The following MKLN1 variants were observed in gnomAD, a reference collection of about 807,000 sequenced individuals.
The protein encoded by MKLN1 is muskelin.
In MKLN1, 18 loss-of-function variants were observed where a neutral mutation model predicts 99.0. The observed-to-expected ratio is 0.18, with a 90% CI of 0.13 to 0.27. MKLN1 has a LOEUF of 0.27. Ranked by LOEUF, MKLN1 falls within the 10% of genes least tolerant of loss-of-function variation. MKLN1 has a pLI of 1.00. For missense variants in MKLN1, 621 were observed against 875.9 expected, an observed-to-expected ratio of 0.71 and a Z score of 3.67; for synonymous variants, 288 against 293.2, an observed-to-expected ratio of 0.98 and a Z score of 0.18.
In MKLN1 at chr7:131,143,917, T is replaced by C. The variant is rs112299008; in HGVS notation, c.-297+976T>C. Among the ~76,000 whole-genome samples the C allele has an allele frequency of 3.7e-3, 571 of 152,342 alleles. 4 individuals are homozygous for C. Among genetic ancestry groups the C allele is most frequent in the African/African-American group, 0.013 (543 of 41,584 alleles). ...GGCCAGTTTAATAATGCAGGACATG[T>C]GTAGTTCAACCATACTCCAAAAACA... On this transcript the variant is annotated intron_variant, in intron 2 of 7. Transcript: ENST00000416992.
At chr7:131,192,646 A>G (rs1180964033) in intron 2 of MKLN1, among the ~76,000 whole-genome samples, 1 of 151,356 alleles carries the variant, frequency 6.6e-6, no homozygotes, top group Non-Finnish European at 1.5e-5. Context: ...GTTTCAAACA[A>G]TTCTCCTGCC....
intron 6 of MKLN1, among the ~76,000 whole-genome samples, chr7:131,408,006 T>C (rs561077297): frequency 2.2e-4 from 33 of 152,290 alleles, no homozygotes; most frequent in African/African-American, 7.9e-4. Context: ...AGCTTGACAA[T>C]GTGCCGTTTA....
intron 3 of MKLN1, among the ~76,000 whole-genome samples, chr7:131,307,623 T>C (rs73153468): frequency 0.027 from 4,096 of 152,310 alleles, 82 homozygotes; most frequent in Middle Eastern, 0.041. Flanking sequence ...AGCTTGAAGA[T>C]TTAATGACTG....
intron 3 of MKLN1, among the ~76,000 whole-genome samples, chr7:131,208,834 CACTT>C (rs1212606485): frequency 3.3e-5 from 5 of 152,192 alleles, no homozygotes; most frequent in Admixed American, 6.5e-5. Flanking sequence ...AATGAGGAAA[CACTT>C]ACTTTTCATT....
At chr7:131,455,462 C>G (rs966851575) in intron 12 of MKLN1, among the ~76,000 whole-genome samples, 33 of 152,118 alleles carry the variant, frequency 2.2e-4, no homozygotes, top group African/African-American at 7.0e-4. Flanking sequence ...TTGTAACTTC[C>G]TAAAACAATT....
chr7:131,165,049 G>A (rs58181275), intron 2 of MKLN1, among the ~76,000 whole-genome samples: 2,380 of 152,174 alleles, frequency 0.016, 20 homozygotes, highest in Middle Eastern at 0.031. Flanking sequence ...AACTTATGGG[G>A]CACAGAAGAA....
intron 3 of MKLN1, among the ~76,000 whole-genome samples, chr7:131,274,053 A>G (rs1797925671): frequency 6.6e-6 from 1 of 152,164 alleles, no homozygotes; most frequent in Non-Finnish European, 1.5e-5. Flanking sequence ...AATAGCAAGT[A>G]GGAGTATAGG....
At chr7:131,178,461 G>A (rs2116352513) in intron 2 of MKLN1, among the ~76,000 whole-genome samples, 1 of 151,830 alleles carries the variant, frequency 6.6e-6, no homozygotes. Context: ...TACAAAAGGA[G>A]ATGGAAAAAT....
At chr7:131,469,307 C>A (rs1004736589) in intron 15 of MKLN1, among the ~76,000 whole-genome samples, 3 of 152,288 alleles carry the variant, frequency 2.0e-5, no homozygotes, top group Non-Finnish European at 4.4e-5. Context: ...TTTCTGTCTG[C>A]TCTTTACATG....
intron 2 of MKLN1, among the ~76,000 whole-genome samples, chr7:131,383,495 G>C (rs992783101): frequency 6.6e-6 from 1 of 152,132 alleles, no homozygotes; most frequent in Non-Finnish European, 1.5e-5. Flanking sequence ...GAATCCAGCA[G>C]CTACCAATGG....
At chr7:131,234,710 G>A (rs1490624671) in intron 3 of MKLN1, among the ~76,000 whole-genome samples, 1 of 152,180 alleles carries the variant, frequency 6.6e-6, no homozygotes, top group Non-Finnish European at 1.5e-5. Context: ...CTGTACTGAA[G>A]AATTTAGCAT....
intron 2 of MKLN1, among the ~76,000 whole-genome samples, chr7:131,386,151 T>TTACAGGCGACCGCCACCA (rs1160229913): frequency 4.6e-5 from 7 of 151,942 alleles, no homozygotes; most frequent in African/African-American, 1.4e-4. Flanking sequence ...GTAGCTAGGA[T>TTACAGGCGACCGCCACCA]TACAGGCGAC....
chr7:131,176,375 T>A (rs1796299128), intron 2 of MKLN1, among the ~76,000 whole-genome samples: 1 of 152,242 alleles, frequency 6.6e-6, no homozygotes, highest in South Asian at 2.1e-4. Context: ...ATATTATTGC[T>A]TTCCTTTTTT....
chr7:131,145,028 T>C (rs1795797326), intron 2 of MKLN1, among the ~76,000 whole-genome samples: 1 of 152,080 alleles, frequency 6.6e-6, no homozygotes, highest in African/African-American at 2.4e-5. Flanking sequence ...ACAAAGAGGC[T>C]GATGCATATT....
chr7:131,444,721 T>G (rs564041142), intron 11 of MKLN1, among the ~76,000 whole-genome samples: 48 of 9,214 alleles, frequency 5.2e-3, no homozygotes, highest in Non-Finnish European at 0.01. Flanking sequence ...GGGTTTTGAG[T>G]AGTAGTAGTA....
intron 3 of MKLN1, among the ~76,000 whole-genome samples, chr7:131,237,093 T>C (rs1272112455): frequency 6.6e-6 from 1 of 152,204 alleles, no homozygotes; most frequent in Non-Finnish European, 1.5e-5. Flanking sequence ...CTATGCCTGA[T>C]TTTCTCTTTT....
chr7:131,421,507 C>G (rs189224778), intron 8 of MKLN1, among the ~76,000 whole-genome samples: 1 of 152,086 alleles, frequency 6.6e-6, no homozygotes, highest in Non-Finnish European at 1.5e-5. Context: ...CCTGGCTCTA[C>G]CCCTGACTTC....
Position 131,486,004 on chromosome 7 carries a change from A to T in MKLN1, c.2087-1603A>T, listed in dbSNP as rs983594523. 2.0e-5 allele frequency among the ~76,000 whole-genome samples: 3 copies of T among 152,158 alleles called. No homozygotes were observed. In the East Asian group the frequency reaches 5.8e-4, roughly 29 times the overall value. Reference sequence around the variant, plus strand: ...GTTAATGTTCTTGTTCTGAGCTGAAATTAGTTTGAGCCTATAGGGGGCAAA... The same window carrying T: ...GTTAATGTTCTTGTTCTGAGCTGAATTTAGTTTGAGCCTATAGGGGGCAAA... On this transcript the variant is annotated intron_variant, in intron 17 of 17. Coordinates refer to ENST00000352689, the MANE Select transcript of MKLN1 (RefSeq NM_013255.5).
chr7:131,445,927 C>T (rs1796001501), intron 12 of MKLN1, 24 bp downstream of exon 12: 2 of 1,527,828 alleles, frequency 1.3e-6, no homozygotes, highest in African/African-American at 2.8e-5. Context: ...GTGATTTCTT[C>T]TCTCATGTCT....
Sources: gnomAD v4.1 joint callset for allele counts (sites outside exome capture counted in the v4.1 genomes callset) on GRCh38, gnomAD v4.1.1 for gene constraint, MANE v1.5 for transcripts, NCBI Gene and HGNC (gene_info 2026-07-23, HGNC 2026-07-21) for gene names.